The following PROKR2 variants were observed in gnomAD, a reference collection of about 807,000 sequenced individuals.
PROKR2 encodes the protein G protein-coupled receptor 73-like 1.
PROKR2 carries 26 observed loss-of-function variants against 23.4 expected under a neutral mutation model. The ratio of observed to expected loss-of-function variants is 1.11; its 90% CI spans 0.81 to 1.54. PROKR2 has a LOEUF of 1.54. Ranked by LOEUF, PROKR2 falls within the 40% of genes most tolerant of loss-of-function variation. The pLI is 0.00. For synonymous variants in PROKR2, 212 were observed against 201.2 expected (o/e 1.05, Z -0.45); for missense variants, 453 against 511.5 (o/e 0.89, Z 1.10).
At position 5,301,200 on chromosome 20, in the gene PROKR2, C is replaced by CATTG. The variant is rs1451528200; in HGVS notation, c.*839_*840insCAAT. On this transcript the variant is annotated 3_prime_UTR_variant, in exon 3 of 3. Coordinates refer to ENST00000678254, the MANE Select transcript of PROKR2 (RefSeq NM_144773.4). ...GTGTCTAAGAGTCTTCTTCTATAGC[C>CATTG]GTTGGTTGTTGTTGTTGTTGTTTTG... Among the ~76,000 whole-genome samples, 11 of 135,744 alleles carry CATTG rather than the reference C, an allele frequency of 8.1e-5. No individual in the cohort carries two copies. The highest frequency in any genetic ancestry group is 6.4e-5 in the Non-Finnish European group (4 of 62,456). 89.1% of individuals were successfully genotyped at this position (135,744 alleles called of 152,430 possible).
In PROKR2 at chr20:5,302,377, G is replaced by A. The variant is rs779117079; in HGVS notation, c.818C>T (p.Thr273Met). Residue 273 changes from threonine to methionine, a missense_variant, in exon 3 of 3, where the codon ACG becomes ATG. Coordinates refer to ENST00000678254, the MANE Select transcript of PROKR2 (RefSeq NM_144773.4). The stretch of plus-strand genomic sequence containing the variant: ...GAGAATGCACATGAGCACCAGGACC[G>A]TCTTCCTGCGGCAGCGCAGCCGCTT... ...IRKRLRCRRK[T>M]VLVLMCILTA... 3.2e-5 allele frequency: 52 copies of A among 1,614,108 alleles called. No homozygotes were observed. The highest frequency in any genetic ancestry group is 1.3e-4 in the South Asian group (12 of 91,088).
At chr20:5,308,228 C>G (rs963421044) in intron 2 of PROKR2, among the ~76,000 whole-genome samples, 7 of 152,114 alleles carry the variant, frequency 4.6e-5, no homozygotes, top group African/African-American at 1.7e-4. Context: ...AAACTGGCCC[C>G]CAAACTGGCC....
intron 2 of PROKR2, among the ~76,000 whole-genome samples, chr20:5,308,588 C>G (rs957427108): frequency 1.3e-5 from 2 of 152,176 alleles, no homozygotes; most frequent in African/African-American, 4.8e-5. Context: ...CTGTTCGGGG[C>G]TCTCAGCTCT....
intron 1 of PROKR2, chr20:5,315,924 C>A (rs1979652885): frequency 4.4e-6 from 2 of 456,264 alleles, no homozygotes; most frequent in South Asian, 3.1e-5. Flanking sequence ...AGGTCCCAGC[C>A]GCATTTTCGT....
In PROKR2 at chr20:5,307,945, C is replaced by T. The variant is rs572438395; in HGVS notation, c.459-5209G>A. ...AATATTTAAAGCATCCCACACCTGA[C>T]CTTAATGCCAGGAACTGGAGTGCTT... On this transcript the variant is annotated intron_variant, in intron 2 of 2. Coordinates refer to ENST00000678254, the MANE Select transcript of PROKR2 (RefSeq NM_144773.4). Among the ~76,000 whole-genome samples, 31 of 152,314 alleles carry T rather than the reference C, an allele frequency of 2.0e-4. No homozygotes were observed. In the South Asian group the frequency reaches 2.3e-3, roughly 11 times the overall value.
rs1431207054 is a variant in PROKR2, at chr20:5,300,525, T to A, written c.*1515A>T. The stretch of plus-strand genomic sequence containing the variant: ...CTGTTCAATATCACTTCTCCATTCT[T>A]ATCGTGTGCACAGTTGAAAAGCACA... On this transcript the variant is annotated 3_prime_UTR_variant, in exon 3 of 3. Transcript: ENST00000678254. 1.3e-5 allele frequency among the ~76,000 whole-genome samples: 2 copies of A among 152,220 alleles called. No individual in the cohort carries two copies.
rs144499438 is a variant in PROKR2, at chr20:5,303,793, A to G, written c.459-1057T>C. Among the ~76,000 whole-genome samples the G allele has an allele frequency of 1.6e-4, 25 of 152,254 alleles. No homozygotes were observed. The East Asian group carries it at 3.9e-3, about 24-fold the overall frequency. The stretch of plus-strand genomic sequence containing the variant: ...AAATCAACCCTGGAAATGAACGTGT[A>G]CTTCATACCTGGAGCTTGAGTCAGG... On this transcript the variant is annotated intron_variant, in intron 2 of 2. Coordinates refer to ENST00000678254, the MANE Select transcript of PROKR2 (RefSeq NM_144773.4).
chr20:5,313,390 A>G (rs963535143), intron 2 of PROKR2, among the ~76,000 whole-genome samples: 2 of 152,154 alleles, frequency 1.3e-5, no homozygotes, highest in African/African-American at 4.8e-5. Flanking sequence ...CACATACGTT[A>G]TGTTTTTTTA....
At position 5,314,116 on chromosome 20, in the gene PROKR2, C is replaced by T. The variant is rs74315418; in HGVS notation, c.254G>A (p.Arg85His). The T allele has an allele frequency of 1.2e-3, 1,859 of 1,614,030 alleles. 1 individual carries two copies. The highest frequency in any genetic ancestry group is 1.4e-3 in the Non-Finnish European group (1,687 of 1,180,040). ...GGCAATGAGCAGATTGGTGAGGTTG[C>T]GCAACTTCTTATAGCGGGTGAGGGC... ...IAALTRYKKL[R>H]NLTNLLIANL... Residue 85 changes from arginine (R) to histidine (H), a missense_variant, in exon 2 of 3, where the codon CGC (arginine) becomes CAC (histidine). Physicochemically the swap from Arg to His is conservative, Grantham distance 29. Transcript: ENST00000678254.
intron 2 of PROKR2, among the ~76,000 whole-genome samples, 160 bp downstream of exon 2, chr20:5,313,752 A>T (rs1979531015): frequency 6.6e-6 from 1 of 152,238 alleles, no homozygotes; most frequent in South Asian, 2.1e-4. Context: ...TCTTGCTCAC[A>T]TCTGGGGGAA....
chr20:5,304,558 C>T (rs1399728520), intron 2 of PROKR2, among the ~76,000 whole-genome samples: 1 of 152,108 alleles, frequency 6.6e-6, no homozygotes, highest in Non-Finnish European at 1.5e-5. Context: ...AACTGCAGAC[C>T]AACTTTTGGG....
intron 1 of PROKR2, 133 bp from the exon 2 acceptor site, chr20:5,314,510 A>G: frequency 1.3e-6 from 1 of 774,522 alleles, no homozygotes; most frequent in East Asian, 2.7e-5. Context: ...TCCTGGAAGG[A>G]GGCACAACCA....
At position 5,316,032 on chromosome 20, in the gene PROKR2, C is replaced by A. The variant is rs952963555; in HGVS notation, c.-9+462G>T. The stretch of plus-strand genomic sequence containing the variant: ...TCGGCGTCTAGAGGCGACATCCTGG[C>A]AAAGACAGGAATCAAGTCAGAAATT... On this transcript the variant is annotated intron_variant, in intron 1 of 2. Transcript: ENST00000678254. The surrounding 1 kb of genome is among the most constrained non-coding windows in gnomAD (Gnocchi z 5.0). 9 of 456,584 alleles carry A rather than the reference C, an allele frequency of 2.0e-5. No homozygotes were observed. The highest frequency in any genetic ancestry group is 3.1e-5 in the Non-Finnish European group (7 of 226,958). 28.3% of individuals were successfully genotyped at this position (456,584 alleles called of 1,614,324 possible). A position where few individuals can be genotyped will look rare whatever the true frequency, so the allele number is the denominator to read the frequency against.
At chr20:5,309,182 G>A (rs5012081) in intron 2 of PROKR2, among the ~76,000 whole-genome samples, 77,590 of 152,012 alleles carry the variant, frequency 0.51, 20,107 homozygotes, top group African/African-American at 0.61. Context: ...ACATCTCACA[G>A]TCACTGACTC....
chr20:5,313,964 T>C lies in PROKR2; in HGVS notation c.406A>G (p.Thr136Ala). 1.9e-6 allele frequency: 3 copies of C among 1,614,064 alleles called. No individual in the cohort carries two copies. The highest frequency in any genetic ancestry group is 2.5e-6 in the Non-Finnish European group (3 of 1,180,014). The change falls in exon 2 of 3, where the codon ACC becomes GCC. Residue 136 changes from threonine to alanine, a missense_variant. Thr to Ala is a moderately conservative substitution (Grantham distance 58). Transcript: ENST00000678254. ...TTGGTGGAGACGTAGAGGGAGACGG[T>C]GCGCAGGTAGTTGACGGAGGCACAG... Reference protein sequence around the residue: ...VLCASVNYLRTVSLYVSTNAL... With the variant: ...VLCASVNYLRAVSLYVSTNAL...
chr20:5,300,689 G>C lies in PROKR2; in HGVS notation c.*1351C>G, dbSNP rs1372058718. Reference sequence around the variant, plus strand: ...TCATGAATTTAGGACTTGAGTCTTAGAGTTAGGACCTGAACCCAGGTCTTT... The same window carrying C: ...TCATGAATTTAGGACTTGAGTCTTACAGTTAGGACCTGAACCCAGGTCTTT... On this transcript the variant is annotated 3_prime_UTR_variant, in exon 3 of 3. Transcript: ENST00000678254. Among the ~76,000 whole-genome samples, 1 of 152,232 alleles carries C rather than the reference G, an allele frequency of 6.6e-6. No homozygotes were observed. Among genetic ancestry groups the C allele is most frequent in the African/African-American group, 2.4e-5 (1 of 41,466 alleles).
Position 5,300,661 on chromosome 20 carries a change from ACAT to A in PROKR2, c.*1376_*1378del, listed in dbSNP as rs766393484. Among the ~76,000 whole-genome samples the A allele has an allele frequency of 5.9e-5, 9 of 152,234 alleles. No individual in the cohort carries two copies. The highest frequency in any genetic ancestry group is 1.3e-4 in the Non-Finnish European group (9 of 68,032). Reference sequence around the variant, plus strand: ...AGCAAAACTGAGACACAGAGAGAAAACATCATGAATTTAGGACTTGAGTCTTAG... The same window carrying A: ...AGCAAAACTGAGACACAGAGAGAAAACATGAATTTAGGACTTGAGTCTTAG... On this transcript the variant is annotated 3_prime_UTR_variant, in exon 3 of 3. Coordinates refer to ENST00000678254, the MANE Select transcript of PROKR2 (RefSeq NM_144773.4).
At chr20:5,309,957 C>T (rs1401378743) in intron 2 of PROKR2, among the ~76,000 whole-genome samples, 1 of 152,142 alleles carries the variant, frequency 6.6e-6, no homozygotes, top group Non-Finnish European at 1.5e-5. Flanking sequence ...TAACACTGGC[C>T]TAGGAGTTAT....
chr20:5,303,729 G>A lies in PROKR2; in HGVS notation c.459-993C>T, dbSNP rs150872300. Among the ~76,000 whole-genome samples, 647 of 152,202 alleles carry A rather than the reference G, an allele frequency of 4.3e-3. 7 individuals are homozygous for A. Among genetic ancestry groups the A allele is most frequent in the African/African-American group, 0.015 (614 of 41,522 alleles). ...TAGGGGAGGAATGCTTTGGGATATG[G>A]TAGATGAAGATAAGAGGCATGAAGG... On this transcript the variant is annotated intron_variant, in intron 2 of 2. Transcript: ENST00000678254.
Sources: allele counts gnomAD v4.1 joint callset (sites outside exome capture counted in the v4.1 genomes callset), GRCh38; gene constraint gnomAD v4.1.1; non-coding constraint Gnocchi (gnomAD v3.1); transcripts MANE v1.5; gene names NCBI Gene and HGNC (gene_info 2026-07-23, HGNC 2026-07-21).